The following PRKCE variants were observed in gnomAD, a reference collection of about 807,000 sequenced individuals.
PRKCE encodes protein kinase C epsilon type.
PRKCE carries 16 observed loss-of-function variants against 85.4 expected under a neutral mutation model. The ratio of observed to expected loss-of-function variants is 0.19; its 90% confidence interval spans 0.13 to 0.28. The LOEUF (loss-of-function observed/expected upper bound fraction) is 0.28, where lower values mean the gene tolerates loss of function less well. Among genes scored for constraint, PRKCE ranks in the 10% least tolerant of loss-of-function variants. The pLI, the probability that PRKCE is intolerant of heterozygous loss-of-function variation, is 1.00. For missense variants in PRKCE, 573 were observed against 975.2 expected, an observed-to-expected ratio of 0.59 and a Z score of 5.49; for synonymous variants, 388 against 371.5, an observed-to-expected ratio of 1.04 and a Z score of -0.51.
chr2:46,100,029 G>C (rs943435401), intron 11 of PRKCE, among the ~76,000 whole-genome samples: 1 of 152,112 alleles, frequency 6.6e-6, no homozygotes, highest in African/African-American at 2.4e-5. Context: ...TCTCCTTGCT[G>C]GGTCTCAGTT....
At chr2:46,095,632 C>T (rs1389250672) in intron 11 of PRKCE, among the ~76,000 whole-genome samples, 2 of 152,190 alleles carry the variant, frequency 1.3e-5, no homozygotes, top group African/African-American at 2.4e-5. Context: ...AATTTCATTG[C>T]TCTTGACCTT....
rs539155208 is a variant in PRKCE at position 46,115,236 on chromosome 2, C to A, written c.1592+28874C>A. ...GCTAAGCTCAGCCTGTCACCTTGGCCTCTTGCCATCTGGTCTTCTGCATTT... is the reference window on the plus strand; with the variant it reads ...GCTAAGCTCAGCCTGTCACCTTGGCATCTTGCCATCTGGTCTTCTGCATTT... On this transcript the variant is annotated intron_variant, in intron 11 of 14. Transcript: ENST00000306156. 7.4e-4 allele frequency among the ~76,000 whole-genome samples: 113 copies of A among 152,364 alleles called. 2 individuals carry two copies. The highest frequency in any genetic ancestry group is 3.9e-3 in the Admixed American group (60 of 15,308).
At chr2:46,125,479 G>T (rs943257409) in intron 11 of PRKCE, among the ~76,000 whole-genome samples, 2 of 152,190 alleles carry the variant, frequency 1.3e-5, no homozygotes, top group African/African-American at 4.8e-5. Context: ...TCGGTATATT[G>T]GACAAGAGGT....
chr2:46,098,003 T>C (rs1352570515), intron 11 of PRKCE, among the ~76,000 whole-genome samples: 1 of 152,206 alleles, frequency 6.6e-6, no homozygotes, highest in Non-Finnish European at 1.5e-5. Context: ...AGAAGTAGAA[T>C]TCTGACTGCC....
chr2:46,062,309 C>T (rs57897453), intron 10 of PRKCE, among the ~76,000 whole-genome samples: 23,191 of 152,158 alleles, frequency 0.15, 3,004 homozygotes, highest in African/African-American at 0.36. Context: ...AAATCTGGCC[C>T]GGTGCATGAG....
At chr2:46,160,657 G>GGGA (rs1397650102) in intron 14 of PRKCE, among the ~76,000 whole-genome samples, 3 of 152,152 alleles carry the variant, frequency 2.0e-5, no homozygotes, top group Admixed American at 2.0e-4. Flanking sequence ...GTCCCAGGCA[G>GGGA]GGAGGATTTG....
intron 14 of PRKCE, among the ~76,000 whole-genome samples, chr2:46,161,554 C>T (rs989656148): frequency 1.2e-4 from 18 of 151,968 alleles, no homozygotes; most frequent in South Asian, 4.2e-4. Flanking sequence ...CTGGCAGAGG[C>T]GGAGGAGCAG....
chr2:46,150,465 C>G, intron 12 of PRKCE, among the ~76,000 whole-genome samples: 1 of 152,094 alleles, frequency 6.6e-6, no homozygotes, highest in Non-Finnish European at 1.5e-5. Context: ...TTAGAATATG[C>G]AAGAGTATAG....
intron 2 of PRKCE, among the ~76,000 whole-genome samples, chr2:45,937,572 A>C (rs765282354): frequency 9.2e-5 from 14 of 152,158 alleles, no homozygotes; most frequent in Non-Finnish European, 1.6e-4. Flanking sequence ...AAAATTAGCC[A>C]GGCCTGGTGG....
At chr2:45,734,248 C>G (rs888515604) in intron 1 of PRKCE, among the ~76,000 whole-genome samples, 4 of 151,980 alleles carry the variant, frequency 2.6e-5, no homozygotes, top group Non-Finnish European at 5.9e-5. Flanking sequence ...ACCCGTAGTC[C>G]TAGCTACTTG....
chr2:45,740,943 T>G (rs1682507407), intron 1 of PRKCE, among the ~76,000 whole-genome samples: 2 of 152,232 alleles, frequency 1.3e-5, no homozygotes, highest in Admixed American at 1.3e-4. Context: ...ATACTTTCCA[T>G]TGTAGATATT....
At chr2:46,062,413 G>T (rs1042428515) in intron 10 of PRKCE, among the ~76,000 whole-genome samples, 1 of 152,102 alleles carries the variant, frequency 6.6e-6, no homozygotes, top group African/African-American at 2.4e-5. Context: ...TTCAAAGTGT[G>T]CCCCTTAGGA....
At chr2:45,954,980 T>A (rs1024168259) in intron 2 of PRKCE, among the ~76,000 whole-genome samples, 6 of 152,000 alleles carry the variant, frequency 3.9e-5, no homozygotes, top group African/African-American at 1.5e-4. Context: ...GGGTATGGGG[T>A]GAGGTTGGGA....
At chr2:45,951,352 G>A (rs138107068) in intron 2 of PRKCE, among the ~76,000 whole-genome samples, 21 of 152,340 alleles carry the variant, frequency 1.4e-4, no homozygotes, top group African/African-American at 3.8e-4. Flanking sequence ...CGAGGAAGTC[G>A]TGTTTCCAGT....
At chr2:46,152,617 C>G (rs576527678) in intron 13 of PRKCE, among the ~76,000 whole-genome samples, 2 of 150,946 alleles carry the variant, frequency 1.3e-5, no homozygotes, top group Admixed American at 6.6e-5. Flanking sequence ...GGCGTGATCT[C>G]GGCTCACTGC....
chr2:46,144,521 G>A (rs1040930126), intron 11 of PRKCE, among the ~76,000 whole-genome samples: 3 of 151,820 alleles, frequency 2.0e-5, no homozygotes, highest in Admixed American at 2.0e-4. Flanking sequence ...ACAGTGTATC[G>A]AACCCTTATC....
chr2:45,756,402 A>G (rs1044788334), intron 1 of PRKCE, among the ~76,000 whole-genome samples: 1 of 152,206 alleles, frequency 6.6e-6, no homozygotes, highest in Non-Finnish European at 1.5e-5. Flanking sequence ...AAAAAGTTTG[A>G]TCGTATAGTC....
At chr2:45,877,701 C>T (rs1193293145) in intron 2 of PRKCE, among the ~76,000 whole-genome samples, 1 of 152,086 alleles carries the variant, frequency 6.6e-6, no homozygotes, top group Non-Finnish European at 1.5e-5. Context: ...AATGCCAACA[C>T]CTGAAGTCTT....
intron 10 of PRKCE, among the ~76,000 whole-genome samples, chr2:46,040,876 A>G (rs1708177486): frequency 6.6e-6 from 1 of 152,222 alleles, no homozygotes. Context: ...ATTTCCAAAA[A>G]GCTGGCAAAC....
Sources: allele counts gnomAD v4.1 joint callset (sites outside exome capture counted in the v4.1 genomes callset), GRCh38; gene constraint gnomAD v4.1.1; transcripts MANE v1.5; gene names NCBI Gene and HGNC (gene_info 2026-07-23, HGNC 2026-07-21).